Variants in GABRB3 observed in about 807,000 individuals in gnomAD.
The protein encoded by GABRB3 is gamma-aminobutyric acid receptor subunit beta-3.
In GABRB3, 14 loss-of-function variants were observed where a neutral mutation model predicts 52.1. The observed-to-expected ratio is 0.27, with a 90% CI of 0.18 to 0.42. The LOEUF (loss-of-function observed/expected upper bound fraction) is 0.42. Ranked by LOEUF, GABRB3 falls within the 10% of genes least tolerant of loss-of-function variation. The pLI is 1.00. For synonymous variants in GABRB3, 260 were observed against 232.3 expected, an observed-to-expected ratio of 1.12 and a Z score of -1.08; for missense variants, 307 against 609.1, an observed-to-expected ratio of 0.50 and a Z score of 5.22.
chr15:26,732,007 A>G (rs1889928044), intron 3 of GABRB3, among the ~76,000 whole-genome samples: 1 of 152,184 alleles, frequency 6.6e-6, no homozygotes, highest in African/African-American at 2.4e-5. Context: ...GCGTGGACAG[A>G]TGGACAGATG....
intron 3 of GABRB3, among the ~76,000 whole-genome samples, chr15:26,628,681 A>C (rs1190194272): frequency 1.4e-5 from 2 of 145,050 alleles, no homozygotes; most frequent in East Asian, 2.0e-4. Context: ...CGCAAAAAAA[A>C]CAAAAAAACA....
intron 3 of GABRB3, among the ~76,000 whole-genome samples, chr15:26,741,983 A>C (rs1235732765): frequency 6.6e-6 from 1 of 152,188 alleles, no homozygotes; most frequent in Non-Finnish European, 1.5e-5. Flanking sequence ...TCTCTGTAAC[A>C]ATCATGTAAA....
At chr15:26,773,237 G>C (rs1312122751), upstream of GABRB3, among the ~76,000 whole-genome samples, 2 of 149,858 alleles carry the variant, frequency 1.3e-5, no homozygotes, top group African/African-American at 2.4e-5. Flanking sequence ...CCCCACGCTC[G>C]CCTCGGCCCG....
chr15:26,656,566 A>G (rs2140601194), intron 3 of GABRB3, among the ~76,000 whole-genome samples: 1 of 152,300 alleles, frequency 6.6e-6, no homozygotes, highest in South Asian at 2.1e-4. Flanking sequence ...GCAGCAGGAG[A>G]GCTGCAGGTG....
chr15:26,605,746 G>C (rs1217714809), intron 4 of GABRB3, among the ~76,000 whole-genome samples: 1 of 152,178 alleles, frequency 6.6e-6, no homozygotes, highest in South Asian at 2.1e-4. Flanking sequence ...CACGGAGATA[G>C]AGACTAGAAG....
At chr15:26,717,799 G>A (rs1889536279) in intron 3 of GABRB3, among the ~76,000 whole-genome samples, 1 of 152,164 alleles carries the variant, frequency 6.6e-6, no homozygotes, top group Admixed American at 6.5e-5. Flanking sequence ...TTGTCAGTCT[G>A]GTATTTGGCG....
At chr15:26,719,930 G>A (rs1257464167) in intron 3 of GABRB3, among the ~76,000 whole-genome samples, 2 of 152,166 alleles carry the variant, frequency 1.3e-5, no homozygotes, top group African/African-American at 4.8e-5. Flanking sequence ...CCTGTGACCT[G>A]CACATATACA....
chr15:26,608,724 G>A (rs1891936339), intron 4 of GABRB3, among the ~76,000 whole-genome samples: 1 of 152,100 alleles, frequency 6.6e-6, no homozygotes, highest in South Asian at 2.1e-4. Flanking sequence ...AATCATTAGG[G>A]AAACACAAAT....
At chr15:26,713,461 T>C (rs896541496) in intron 3 of GABRB3, among the ~76,000 whole-genome samples, 2 of 151,700 alleles carry the variant, frequency 1.3e-5, no homozygotes, top group Non-Finnish European at 2.9e-5. Context: ...CCATCAGTCA[T>C]CTCTGTGGGC....
chr15:26,695,778 T>A (rs937249035), intron 3 of GABRB3, among the ~76,000 whole-genome samples: 37 of 152,198 alleles, frequency 2.4e-4, no homozygotes, highest in African/African-American at 8.9e-4. Context: ...GACTACAGCT[T>A]CTGGATAGGT....
intron 3 of GABRB3, among the ~76,000 whole-genome samples, chr15:26,731,874 T>G (rs1356813969): frequency 1.6e-5 from 2 of 126,054 alleles, no homozygotes; most frequent in Non-Finnish European, 3.4e-5. Flanking sequence ...AATGAAGATT[T>G]AATGATATCT....
intron 3 of GABRB3, among the ~76,000 whole-genome samples, chr15:26,647,147 A>G (rs941552193): frequency 1.3e-5 from 2 of 152,188 alleles, no homozygotes; most frequent in Non-Finnish European, 2.9e-5. Flanking sequence ...CCAGCCTCAT[A>G]TAACTTCTTT....
At chr15:26,724,580 G>A (rs937972361) in intron 3 of GABRB3, among the ~76,000 whole-genome samples, 10 of 152,040 alleles carry the variant, frequency 6.6e-5, no homozygotes, top group Non-Finnish European at 1.0e-4. Context: ...AGTGGTTGGC[G>A]CCAGTCTACA....
At chr15:26,727,284 C>G (rs12101625) in intron 3 of GABRB3, among the ~76,000 whole-genome samples, 72,705 of 152,072 alleles carry the variant, frequency 0.48, 19,208 homozygotes, top group African/African-American at 0.73. Flanking sequence ...GTAAGGAAGA[C>G]ATGTCCCTCC....
intron 2 of GABRB3, 21 bp from the exon 3 acceptor site, chr15:26,772,490 G>A: frequency 6.2e-7 from 1 of 1,607,966 alleles, no homozygotes; most frequent in Non-Finnish European, 8.5e-7. Flanking sequence ...CACAGGACAC[G>A]GCGATCAGCC....
In GABRB3 at chr15:26,678,158, T is replaced by C. The variant is rs138513158; in HGVS notation, c.241-56624A>G. Among the ~76,000 whole-genome samples the C allele has an allele frequency of 7.3e-3, 1,105 of 152,230 alleles. 16 individuals are homozygous for C. The highest frequency in any genetic ancestry group is 0.026 in the African/African-American group (1,075 of 41,534). On this transcript the variant is annotated intron_variant, in intron 3 of 8. Transcript: ENST00000311550. ...GCCCCCAAATGCTCTTGAGACATCT[T>C]CATAAGACCCACTCAATCCTTGGTG...
chr15:26,632,677 G>A (rs768899), intron 3 of GABRB3, among the ~76,000 whole-genome samples: 54,987 of 151,960 alleles, frequency 0.36, 10,605 homozygotes, highest in Middle Eastern at 0.53. Flanking sequence ...GTTTGCCGTC[G>A]GTGTTGAGTG....
intron 4 of GABRB3, chr15:26,614,114 C>T (rs140752259): frequency 6.6e-6 from 1 of 152,298 alleles, no homozygotes; most frequent in African/African-American, 2.4e-5. Context: ...CAAGGTGAAG[C>T]TCATTTTGGA....
At chr15:26,553,680 G>T (rs1326263576) in intron 8 of GABRB3, among the ~76,000 whole-genome samples, 1 of 151,982 alleles carries the variant, frequency 6.6e-6, no homozygotes, top group Non-Finnish European at 1.5e-5. Context: ...TCCACGAAGG[G>T]GCTGGGATTG....
Sources: gnomAD v4.1 joint callset for allele counts (sites outside exome capture counted in the v4.1 genomes callset) on GRCh38, gnomAD v4.1.1 for gene constraint, MANE v1.5 for transcripts, NCBI Gene and HGNC (gene_info 2026-07-23, HGNC 2026-07-21) for gene names.